NRIP3: variants seen among roughly 807,000 people sequenced by gnomAD.
The protein encoded by NRIP3 is nuclear receptor-interacting protein 3.
In NRIP3, 31 loss-of-function variants were observed where a neutral mutation model predicts 29.0. The observed-to-expected ratio is 1.07, with a 90% CI of 0.80 to 1.44. NRIP3 has a LOEUF of 1.44. Ranked by LOEUF, NRIP3 falls within the 40% of genes most tolerant of loss-of-function variation. The pLI is 0.00. For synonymous variants in NRIP3, 131 were observed against 118.3 expected (o/e 1.11, Z -0.70); for missense variants, 314 against 297.9 (o/e 1.05, Z -0.40).
At chr11:8,993,844 A>G (rs1338935972) in intron 1 of NRIP3, among the ~76,000 whole-genome samples, 1 of 151,490 alleles carries the variant, frequency 6.6e-6, no homozygotes, top group Non-Finnish European at 1.5e-5. Flanking sequence ...GACTAGATAG[A>G]TAGTGATGAA....
intron 4 of NRIP3, among the ~76,000 whole-genome samples, chr11:8,984,528 G>A (rs944166162): frequency 6.6e-6 from 1 of 152,172 alleles, no homozygotes; most frequent in Non-Finnish European, 1.5e-5. Context: ...CTCCCAAAGT[G>A]TTGGGATTAC....
intron 1 of NRIP3, among the ~76,000 whole-genome samples, chr11:8,996,489 C>A (rs577377786): frequency 1.3e-5 from 2 of 152,088 alleles, no homozygotes; most frequent in African/African-American, 4.8e-5. Flanking sequence ...CCATGTTGGC[C>A]GGGCTGGTCT....
At position 8,987,163 on chromosome 11, in the gene NRIP3, C is replaced by A. The variant is rs1854533175; in HGVS notation, c.422+385G>T. 2.0e-5 allele frequency among the ~76,000 whole-genome samples: 3 copies of A among 152,176 alleles called. No homozygotes were observed. The South Asian group carries it at 6.2e-4, about 31-fold the overall frequency. ...AGAAAGACTCTGAGTAAGCTAAGCC[C>A]CACCACATCCCTACTTTTACTCATC... On this transcript the variant is annotated intron_variant, in intron 3 of 6. Coordinates refer to ENST00000309166, the MANE Select transcript of NRIP3 (RefSeq NM_020645.3).
rs1566138781 is a variant in NRIP3 at position 8,993,100 on chromosome 11, G to T, written c.175-4818C>A. The stretch of plus-strand genomic sequence containing the variant: ...AAGAATGAAAGAATCCAATAGAGAG[G>T]CAAAGGCAGTTCTAAGAATGGTGTT... On this transcript the variant is annotated intron_variant, in intron 1 of 6. Coordinates refer to ENST00000309166, the MANE Select transcript of NRIP3 (RefSeq NM_020645.3). 3.3e-5 allele frequency among the ~76,000 whole-genome samples: 5 copies of T among 151,896 alleles called. No homozygotes were observed. In the South Asian group the frequency reaches 1.0e-3, roughly 32 times the overall value.
intron 1 of NRIP3, among the ~76,000 whole-genome samples, chr11:8,992,633 G>T (rs10769980): frequency 6.6e-6 from 1 of 152,028 alleles, no homozygotes; most frequent in Non-Finnish European, 1.5e-5. Flanking sequence ...ATCTGGGGCC[G>T]GGCGCAGTGG....
In NRIP3 at chr11:9,002,446, AAC is replaced by A. The variant is rs540512586; in HGVS notation, c.174+1314_174+1315del. Among the ~76,000 whole-genome samples, 378 of 152,166 alleles carry A rather than the reference AAC, an allele frequency of 2.5e-3. 3 individuals carry two copies. The highest frequency in any genetic ancestry group is 8.9e-3 in the African/African-American group (368 of 41,520). On this transcript the variant is annotated intron_variant, in intron 1 of 6. Transcript: ENST00000309166. ...TGCAAAAAGCAAAACAAAACAAAAA[AAC>A]ACAACTTGTAAAAAAAACAGAGCAA...
At chr11:8,997,501 A>G (rs77632954) in intron 1 of NRIP3, among the ~76,000 whole-genome samples, 15 of 152,230 alleles carry the variant, frequency 9.9e-5, no homozygotes, top group African/African-American at 3.6e-4. Flanking sequence ...CTAAACTTCA[A>G]CAAGGCAGCT....
chr11:9,004,015 C>A (rs1051633728), upstream of NRIP3: 1 of 1,315,094 alleles, frequency 7.6e-7, no homozygotes, highest in Non-Finnish European at 9.8e-7. Flanking sequence ...GCAAGGGCCC[C>A]GAGCCGCGCC....
chr11:9,004,323 GCCGC>G (rs1322622570), upstream of NRIP3: 2 of 162,290 alleles, frequency 1.2e-5, no homozygotes, highest in African/African-American at 4.8e-5. Context: ...GGCCATCTCT[GCCGC>G]TGGCCGCGGG....
intron 1 of NRIP3, among the ~76,000 whole-genome samples, chr11:8,996,973 G>A (rs1377911867): frequency 6.6e-6 from 1 of 152,182 alleles, no homozygotes; most frequent in African/African-American, 2.4e-5. Flanking sequence ...CAGCTATTTG[G>A]GAGCTGAGGT....
At chr11:8,999,289 C>A (rs1234319987) in intron 1 of NRIP3, among the ~76,000 whole-genome samples, 1 of 152,172 alleles carries the variant, frequency 6.6e-6, no homozygotes, top group Non-Finnish European at 1.5e-5. Flanking sequence ...CAACATATAT[C>A]CAGAACCTGA....
chr11:9,001,759 C>T (rs1266958852), intron 1 of NRIP3, among the ~76,000 whole-genome samples: 5 of 144,538 alleles, frequency 3.5e-5, no homozygotes, highest in Non-Finnish European at 4.4e-5. Flanking sequence ...CCAGCGCTTG[C>T]GGCTCTCCTA....
intron 1 of NRIP3, among the ~76,000 whole-genome samples, chr11:8,995,997 A>G (rs2134924055): frequency 6.6e-6 from 1 of 152,326 alleles, no homozygotes; most frequent in East Asian, 1.9e-4. Context: ...TCTCTGTTCA[A>G]ATGTCATTTC....
At position 8,983,899 on chromosome 11, in the gene NRIP3, T is replaced by C; in HGVS notation, c.686A>G (p.Glu229Gly). 3.7e-6 allele frequency: 6 copies of C among 1,614,178 alleles called. No individual in the cohort carries two copies. Among genetic ancestry groups the C allele is most frequent in the Non-Finnish European group, 5.1e-6 (6 of 1,180,006 alleles). ...KTDKEEIPFV[E>G]TVSLNEDNTS... ...CTTGTCTTCATTCAAAGAGACTGTC[T>C]CCACAAAAGGGATTTCTTCCTTGTC... is the stretch of plus-strand genomic sequence containing the variant. The change falls in exon 6 of 7, where the codon GAG becomes GGG. Residue 229 changes from glutamate (E) to glycine (G), a missense_variant. Coordinates refer to ENST00000309166, the MANE Select transcript of NRIP3 (RefSeq NM_020645.3).
intron 1 of NRIP3, among the ~76,000 whole-genome samples, chr11:8,992,114 G>A (rs1854612715): frequency 6.6e-6 from 1 of 152,204 alleles, no homozygotes; most frequent in African/African-American, 2.4e-5. Flanking sequence ...GCATCTAGCT[G>A]TAAAAGCAGT....
chr11:8,989,112 G>A (rs10769979), intron 1 of NRIP3, among the ~76,000 whole-genome samples: 50,631 of 152,086 alleles, frequency 0.33, 10,048 homozygotes, highest in Non-Finnish European at 0.43. Flanking sequence ...GATGCCTAAT[G>A]TTAAGAAGCA....
At position 8,981,081 on chromosome 11, in the gene NRIP3, T is replaced by TACCTTCTC. The variant is rs1854406960; in HGVS notation, c.*2456_*2463dup. On this transcript the variant is annotated 3_prime_UTR_variant, in exon 7 of 7. Coordinates refer to ENST00000309166, the MANE Select transcript of NRIP3 (RefSeq NM_020645.3). Reference sequence around the variant, plus strand: ...CTGGGAAAAACTGACCTCACCTTCTTACCTTCTCAGCCCCCAAAAATTAGA... The same window carrying TACCTTCTC: ...CTGGGAAAAACTGACCTCACCTTCTTACCTTCTCACCTTCTCAGCCCCCAAAAATTAGA... The TACCTTCTC allele has an allele frequency of 6.6e-6, 1 of 152,212 alleles. No homozygotes were observed. The highest frequency in any genetic ancestry group is 2.1e-4 in the South Asian group (1 of 4,826). The allele number at this position is 152,212 out of a possible 1,614,324, so 9.4% of individuals were successfully genotyped here.
rs1854861938 is a variant in NRIP3 at position 9,003,862 on chromosome 11, T to C, written c.74A>G (p.Gln25Arg). ...CACCGCCTGCTTCATCCGGCGCTGC[T>C]GTCGCAGTGACGCCGCCTCCCGCAT... Reference protein sequence around the residue: ...TDMREAASLRQQRRMKQAVQF... With the variant: ...TDMREAASLRRQRRMKQAVQF... The change falls in exon 1 of 7, where the codon CAG becomes CGG. Residue 25 changes from glutamine to arginine, a missense_variant. Coordinates refer to ENST00000309166, the MANE Select transcript of NRIP3 (RefSeq NM_020645.3). 1 of 1,521,650 alleles carries C rather than the reference T, an allele frequency of 6.6e-7. No homozygotes were observed. Among genetic ancestry groups the C allele is most frequent in the Admixed American group, 2.1e-5 (1 of 47,924 alleles). 94.3% of individuals were successfully genotyped at this position (1,521,650 alleles called of 1,614,324 possible). A position where few individuals can be genotyped will look rare whatever the true frequency, so the allele number is the denominator to read the frequency against.
chr11:8,985,836 A>C lies in NRIP3; in HGVS notation c.437T>G (p.Val146Gly), dbSNP rs1433662729. 6.2e-7 allele frequency: 1 copy of C among 1,614,072 alleles called. No homozygotes were observed. Among genetic ancestry groups the C allele is most frequent in the Non-Finnish European group, 8.5e-7 (1 of 1,180,008 alleles). Residue 146 changes from valine (V) to glycine (G), a missense_variant, in exon 4 of 7, where the codon GTC becomes GGC. Coordinates refer to ENST00000309166, the MANE Select transcript of NRIP3 (RefSeq NM_020645.3). ...CVDRLGLKEH[V>G]KSHKHEGEKL... ...TTCTCCTTCATGCTTGTGGGATTTG[A>C]CATGCTCCTTGAGTCTGTACCAAAG...
Sources: gnomAD v4.1 joint callset for allele counts (sites outside exome capture counted in the v4.1 genomes callset) on GRCh38, gnomAD v4.1.1 for gene constraint, MANE v1.5 for transcripts, NCBI Gene and HGNC (gene_info 2026-07-23, HGNC 2026-07-21) for gene names.